Variants in NXPE2 observed in about 807,000 individuals in gnomAD.
NXPE2 encodes the protein neurexophilin and PC-esterase domain family member 2.
In NXPE2, 34 loss-of-function variants were observed where a neutral mutation model predicts 34.4. The ratio of observed to expected loss-of-function variants is 0.99; its 90% CI spans 0.75 to 1.31. The LOEUF (loss-of-function observed/expected upper bound fraction) is 1.31. Ranked by LOEUF, NXPE2 falls within the 40% of genes most tolerant of loss-of-function variation. The pLI is 0.00. For synonymous variants in NXPE2, 235 were observed against 231.3 expected, an observed-to-expected ratio of 1.02 and a Z score of -0.15; for missense variants, 649 against 672.5, an observed-to-expected ratio of 0.97 and a Z score of 0.39.
Position 114,679,820 on chromosome 11 carries a change from A to C in NXPE2, c.132+58A>C, listed in dbSNP as rs1463443903. 13 of 982,328 alleles carry C rather than the reference A, an allele frequency of 1.3e-5. No individual in the cohort carries two copies. In the East Asian group the frequency reaches 3.4e-4, roughly 26 times the overall value. 60.9% of individuals were successfully genotyped at this position (982,328 alleles called of 1,614,324 possible). A position where few individuals can be genotyped will look rare whatever the true frequency, so the allele number is the denominator to read the frequency against. Reference sequence around the variant, plus strand: ...AGGTCACGGTGACTTCATTTGAATGACCCCCTTTATCATGGCAAGAAATAA... The same window carrying C: ...AGGTCACGGTGACTTCATTTGAATGCCCCCCTTTATCATGGCAAGAAATAA... On this transcript the variant is annotated intron_variant, in intron 2 of 5. Transcript: ENST00000389586.
chr11:114,791,685 A>G, the NXPE2 span, among the ~76,000 whole-genome samples: 3 of 152,362 alleles, frequency 2.0e-5, no homozygotes, highest in South Asian at 6.2e-4. Context: ...GGAACAGCAG[A>G]TGAGTTGCCA....
At chr11:114,699,984 G>T (rs1591441463) in intron 3 of NXPE2, among the ~76,000 whole-genome samples, 1 of 152,160 alleles carries the variant, frequency 6.6e-6, no homozygotes, top group East Asian at 1.9e-4. Context: ...AGTAGAGACA[G>T]GGTTTTACCA....
At chr11:114,661,563 G>T in the NXPE2 span, among the ~76,000 whole-genome samples, 18 of 152,174 alleles carry the variant, frequency 1.2e-4, no homozygotes, top group Non-Finnish European at 2.4e-4. Flanking sequence ...TACCATTTGG[G>T]TTGCTAAGTA....
chr11:114,538,320 A>G, the NXPE2 span, among the ~76,000 whole-genome samples: 1 of 152,376 alleles, frequency 6.6e-6, no homozygotes, highest in Admixed American at 6.5e-5. Context: ...TAAAACCATA[A>G]AAACCCTAGA....
chr11:114,670,332 G>A, the NXPE2 span, among the ~76,000 whole-genome samples: 1 of 151,980 alleles, frequency 6.6e-6, no homozygotes, highest in Non-Finnish European at 1.5e-5. Context: ...TTTACTTTCT[G>A]AGGAGCAATA....
At chr11:114,581,805 G>T in the NXPE2 span, 2 of 1,570,040 alleles carry the variant, frequency 1.3e-6, no homozygotes, top group South Asian at 1.1e-5. Flanking sequence ...CACAAATACA[G>T]AAATTAATCT....
At chr11:114,603,201 C>T in the NXPE2 span, among the ~76,000 whole-genome samples, 6 of 151,794 alleles carry the variant, frequency 4.0e-5, no homozygotes, top group Non-Finnish European at 7.4e-5. Flanking sequence ...GCCTCGTCTC[C>T]TAGGTAACTC....
chr11:114,485,281 T>A, the NXPE2 span, among the ~76,000 whole-genome samples: 1 of 151,862 alleles, frequency 6.6e-6, no homozygotes, highest in Admixed American at 6.6e-5. Context: ...CGATCTTGGC[T>A]CACTGCATCC....
At chr11:114,510,948 CTT>C in the NXPE2 span, among the ~76,000 whole-genome samples, 1 of 151,988 alleles carries the variant, frequency 6.6e-6, no homozygotes, top group African/African-American at 2.4e-5. Context: ...CAAACACTAA[CTT>C]GATTTAAAAA....
At chr11:114,641,940 T>C in the NXPE2 span, among the ~76,000 whole-genome samples, 1 of 152,042 alleles carries the variant, frequency 6.6e-6, no homozygotes, top group Admixed American at 6.6e-5. Context: ...TTTGCAAAGT[T>C]TGACACAGAG....
chr11:114,663,718 TCTACCTAC>T, the NXPE2 span, among the ~76,000 whole-genome samples: 2 of 117,766 alleles, frequency 1.7e-5, no homozygotes, highest in Non-Finnish European at 3.7e-5. Flanking sequence ...ATCTATCTGA[TCTACCTAC>T]CTATCTATTG....
At chr11:114,536,509 G>T in the NXPE2 span, among the ~76,000 whole-genome samples, 1 of 152,026 alleles carries the variant, frequency 6.6e-6, no homozygotes. Flanking sequence ...TTTTTGAAAA[G>T]ATCAACAAAA....
chr11:114,601,662 A>G, the NXPE2 span, among the ~76,000 whole-genome samples: 1 of 64,782 alleles, frequency 1.5e-5, no homozygotes, highest in Admixed American at 3.0e-4. Context: ...TATTATAAAT[A>G]ATTATATATT....
intron 2 of NXPE2, among the ~76,000 whole-genome samples, chr11:114,697,566 G>A (rs929039863): frequency 2.0e-5 from 3 of 152,126 alleles, no homozygotes; most frequent in African/African-American, 7.2e-5. Context: ...TGTAGAAGAA[G>A]TAGAGAACAC....
the NXPE2 span, among the ~76,000 whole-genome samples, chr11:114,662,112 A>G: frequency 6.6e-6 from 1 of 152,180 alleles, no homozygotes; most frequent in Non-Finnish European, 1.5e-5. Flanking sequence ...TTTTAACTCC[A>G]TATCACTGAA....
At chr11:114,704,117 A>G in intron 4 of NXPE2, 65 bp downstream of exon 4, 1 of 1,159,854 alleles carries the variant, frequency 8.6e-7, no homozygotes, top group Non-Finnish European at 1.3e-6. Flanking sequence ...ATGCTTACTT[A>G]GAGATATTTA....
At chr11:114,491,356 A>T in the NXPE2 span, among the ~76,000 whole-genome samples, 1 of 152,114 alleles carries the variant, frequency 6.6e-6, no homozygotes, top group South Asian at 2.1e-4. Context: ...GAAGGATATG[A>T]ACAGACACTT....
chr11:114,516,796 T>C, the NXPE2 span, among the ~76,000 whole-genome samples: 1 of 152,172 alleles, frequency 6.6e-6, no homozygotes. Context: ...TCCTCTGGGT[T>C]ACTTTCTCTG....
the NXPE2 span, among the ~76,000 whole-genome samples, chr11:114,636,320 C>T: frequency 6.6e-6 from 1 of 152,014 alleles, no homozygotes; most frequent in Non-Finnish European, 1.5e-5. Context: ...TCCCCTTTAT[C>T]ATTTTTTATT....
Sources: gnomAD v4.1 joint callset for allele counts (sites outside exome capture counted in the v4.1 genomes callset) on GRCh38, gnomAD v4.1.1 for gene constraint, MANE v1.5 for transcripts, NCBI Gene and HGNC (gene_info 2026-07-23, HGNC 2026-07-21) for gene names.